The following EDIL3 variants were observed in gnomAD, a reference collection of about 807,000 sequenced individuals.
EDIL3 encodes the protein EGF-like repeat and discoidin I-like domain-containing protein 3.
Under a neutral mutation model 67.4 loss-of-function variants are expected in EDIL3, and 37 were observed. The ratio of observed to expected loss-of-function variants is 0.55; its 90% CI spans 0.42 to 0.72. The LOEUF (loss-of-function observed/expected upper bound fraction) is 0.72, where lower values mean the gene tolerates loss of function less well. EDIL3 is among the 30% of genes least tolerant of loss of function. The probability of loss-of-function intolerance (pLI) is 0.00; values close to 1 mark genes in which losing one functional copy is unlikely to be tolerated. For missense variants in EDIL3, 527 were observed against 586.3 expected (o/e 0.90, Z 1.04); for synonymous variants, 195 against 196.3 (o/e 0.99, Z 0.05).
chr5:84,006,767 C>A (rs1053668411), intron 9 of EDIL3, among the ~76,000 whole-genome samples: 6 of 151,938 alleles, frequency 3.9e-5, no homozygotes, highest in African/African-American at 1.5e-4. Context: ...TACTTGAATC[C>A]ACAAAGTGAA....
chr5:84,233,996 T>G (rs1304847790), intron 2 of EDIL3, among the ~76,000 whole-genome samples: 1 of 152,190 alleles, frequency 6.6e-6, no homozygotes, highest in East Asian at 1.9e-4. Flanking sequence ...GACTTCTAGT[T>G]CTAGGGAAAA....
chr5:84,267,401 T>G (rs1183698969), intron 1 of EDIL3, among the ~76,000 whole-genome samples: 1 of 152,178 alleles, frequency 6.6e-6, no homozygotes, highest in East Asian at 1.9e-4. Flanking sequence ...TAATTTATCC[T>G]CCTAAGGTGG....
At chr5:84,173,061 A>G (rs780565742) in intron 4 of EDIL3, among the ~76,000 whole-genome samples, 14 of 152,288 alleles carry the variant, frequency 9.2e-5, no homozygotes, top group South Asian at 2.1e-4. Flanking sequence ...AAACTCCATG[A>G]GTGCCCAGAA....
At chr5:84,301,039 G>A (rs566967043) in intron 1 of EDIL3, among the ~76,000 whole-genome samples, 1 of 152,272 alleles carries the variant, frequency 6.6e-6, no homozygotes, top group African/African-American at 2.4e-5. Context: ...GGTGGCTGAG[G>A]CAGGTGGATC....
At chr5:84,157,754 C>T (rs1748519095) in intron 4 of EDIL3, among the ~76,000 whole-genome samples, 1 of 151,910 alleles carries the variant, frequency 6.6e-6, no homozygotes. Flanking sequence ...TTTAATCTCT[C>T]TAAATTCTTG....
At chr5:84,118,821 A>C (rs959949213) in intron 5 of EDIL3, among the ~76,000 whole-genome samples, 2 of 152,172 alleles carry the variant, frequency 1.3e-5, no homozygotes, top group African/African-American at 4.8e-5. Flanking sequence ...AAAAATTCCA[A>C]TGCCAGGCCA....
At chr5:83,970,256 T>TTA (rs60143474) in intron 9 of EDIL3, among the ~76,000 whole-genome samples, 1,607 of 128,462 alleles carry the variant, frequency 0.013, 47 homozygotes, top group East Asian at 0.081. Flanking sequence ...GTGTCACTAA[T>TTA]TATATATATA....
rs35109435 is a variant in EDIL3, at chr5:84,294,693, T to G, written c.68-40481A>C. Among the ~76,000 whole-genome samples the G allele has an allele frequency of 7.8e-3, 1,195 of 152,300 alleles. 11 individuals are homozygous for G. Among genetic ancestry groups the G allele is most frequent in the Non-Finnish European group, 0.014 (940 of 68,028 alleles). On this transcript the variant is annotated intron_variant, in intron 1 of 10. Transcript: ENST00000296591. Reference sequence around the variant, plus strand: ...AAAACATTATAAAGAGTTATGTAGATTGCACAGTTAGGAAATAAATTGGCC... The same window carrying G: ...AAAACATTATAAAGAGTTATGTAGAGTGCACAGTTAGGAAATAAATTGGCC...
At chr5:84,148,721 T>A (rs987633143) in intron 4 of EDIL3, among the ~76,000 whole-genome samples, 1 of 152,060 alleles carries the variant, frequency 6.6e-6, no homozygotes, top group Non-Finnish European at 1.5e-5. Context: ...TCTGTTACAC[T>A]CAAGGCCACC....
At chr5:84,081,035 T>C (rs1296796006) in intron 6 of EDIL3, among the ~76,000 whole-genome samples, 1 of 152,356 alleles carries the variant, frequency 6.6e-6, no homozygotes, top group African/African-American at 2.4e-5. Flanking sequence ...AATCTCTTTA[T>C]GATTCTCTGC....
intron 3 of EDIL3, among the ~76,000 whole-genome samples, chr5:84,229,085 T>C (rs562926211): frequency 3.3e-5 from 5 of 152,134 alleles, no homozygotes; most frequent in Non-Finnish European, 5.9e-5. Flanking sequence ...GTTGCTGGTA[T>C]GTTAGTCTGG....
rs1377809527 is a variant in EDIL3, at chr5:84,207,964, T to G, written c.226+21891A>C. On this transcript the variant is annotated intron_variant, in intron 3 of 10. Coordinates refer to ENST00000296591, the MANE Select transcript of EDIL3 (RefSeq NM_005711.5). ...AAACCCGAGAAGAAAACCTAGGCAT[T>G]ACCATTCAGGACATAGGCATGGGCA... 5.2e-4 allele frequency among the ~76,000 whole-genome samples: 79 copies of G among 152,208 alleles called. 1 individual carries two copies. The highest frequency in any genetic ancestry group is 1.8e-3 in the African/African-American group (76 of 41,536).
At chr5:84,363,442 C>A (rs1747656770) in intron 1 of EDIL3, among the ~76,000 whole-genome samples, 2 of 142,142 alleles carry the variant, frequency 1.4e-5, no homozygotes, top group African/African-American at 2.6e-5. Flanking sequence ...GAGCAAGACT[C>A]TGTCAAAAAA....
chr5:84,212,189 G>A (rs1744135128), intron 3 of EDIL3, among the ~76,000 whole-genome samples: 1 of 152,032 alleles, frequency 6.6e-6, no homozygotes, highest in African/African-American at 2.4e-5. Context: ...CAACACAAAT[G>A]AACTAAGGAA....
chr5:84,226,518 T>G (rs1744455616), intron 3 of EDIL3, among the ~76,000 whole-genome samples: 1 of 151,810 alleles, frequency 6.6e-6, no homozygotes, highest in African/African-American at 2.4e-5. Flanking sequence ...GTATTCCTTA[T>G]GAAATCAATT....
At chr5:84,384,230 C>T in intron 1 of EDIL3, 78 bp downstream of exon 1, 1 of 1,535,522 alleles carries the variant, frequency 6.5e-7, no homozygotes, top group South Asian at 1.2e-5. Flanking sequence ...GAGGGACCGC[C>T]TCCGGCCCCC....
At chr5:84,321,530 C>T (rs998950614) in intron 1 of EDIL3, among the ~76,000 whole-genome samples, 6 of 152,180 alleles carry the variant, frequency 3.9e-5, no homozygotes, top group South Asian at 2.1e-4. Flanking sequence ...ATTCTGGTAA[C>T]GCATCGATGG....
At chr5:84,302,089 A>G (rs1340049947) in intron 1 of EDIL3, among the ~76,000 whole-genome samples, 1 of 152,176 alleles carries the variant, frequency 6.6e-6, no homozygotes, top group Non-Finnish European at 1.5e-5. Flanking sequence ...TATCTTATAC[A>G]AATCTGTCTC....
chr5:84,313,763 C>T (rs926450157), intron 1 of EDIL3, among the ~76,000 whole-genome samples: 1 of 152,192 alleles, frequency 6.6e-6, no homozygotes, highest in Non-Finnish European at 1.5e-5. Flanking sequence ...GGACCCCAGG[C>T]ACCAGTATTT....
Sources: allele counts gnomAD v4.1 joint callset (sites outside exome capture counted in the v4.1 genomes callset), GRCh38; gene constraint gnomAD v4.1.1; transcripts MANE v1.5; gene names NCBI Gene and HGNC (gene_info 2026-07-23, HGNC 2026-07-21).